The following HIP1 variants were observed in gnomAD, a reference collection of about 807,000 sequenced individuals.
HIP1 encodes the protein huntingtin-interacting protein 1.
HIP1 carries 65 observed loss-of-function variants against 147.6 expected under a neutral mutation model. That is an observed-to-expected ratio of 0.44 (90% CI 0.36 to 0.54). The LOEUF (loss-of-function observed/expected upper bound fraction) is 0.54. HIP1 is among the 20% of genes least tolerant of loss of function. The pLI is 0.00. For missense variants in HIP1, 1,061 were observed against 1,299.6 expected (o/e 0.82, Z 2.82); for synonymous variants, 479 against 504.0 (o/e 0.95, Z 0.67).
At chr7:75,558,489 C>T (rs188048389) in intron 14 of HIP1, among the ~76,000 whole-genome samples, 4 of 152,248 alleles carry the variant, frequency 2.6e-5, no homozygotes, top group Admixed American at 2.6e-4. Context: ...GGGCACACGC[C>T]ACCACACCCG....
chr7:75,541,799 A>G (rs1401155794), intron 29 of HIP1, 120 bp downstream of exon 29: 1 of 652,056 alleles, frequency 1.5e-6, no homozygotes, highest in East Asian at 2.6e-5. Context: ...ATTTACATTC[A>G]GTCTTGGGTT....
intron 1 of HIP1, among the ~76,000 whole-genome samples, chr7:75,665,541 T>A (rs1799530762): frequency 1.4e-5 from 2 of 144,916 alleles, no homozygotes; most frequent in Admixed American, 1.5e-4. Flanking sequence ...CATTTTTCCG[T>A]AGTCATTTTT....
In HIP1 at chr7:75,599,705, G is replaced by A. The variant is rs587774194; in HGVS notation, c.121-458C>T. On this transcript the variant is annotated intron_variant, in intron 1 of 30. Transcript: ENST00000336926. ...GAGCCTTCTCCGGCTGGCCAGCACC[G>A]GCGGTGGTCACTAAGTCTTTGTTTT... is the stretch of plus-strand genomic sequence containing the variant. 2.6e-4 allele frequency among the ~76,000 whole-genome samples: 39 copies of A among 152,198 alleles called. No individual in the cohort carries two copies. The South Asian group carries it at 2.9e-3, about 11-fold the overall frequency.
chr7:75,582,479 C>G lies in HIP1; in HGVS notation c.466-328G>C, dbSNP rs114491812. 9.0e-3 allele frequency among the ~76,000 whole-genome samples: 1,372 copies of G among 152,278 alleles called. 16 individuals carry two copies. Among genetic ancestry groups the G allele is most frequent in the African/African-American group, 0.031 (1,300 of 41,562 alleles). On this transcript the variant is annotated intron_variant, in intron 5 of 30. Transcript: ENST00000336926. Reference sequence around the variant, plus strand: ...GGGAAAAGGCCACAGAGATGGGTGGCCATTCCATCGTGGGGCATCTACATG... The same window carrying G: ...GGGAAAAGGCCACAGAGATGGGTGGGCATTCCATCGTGGGGCATCTACATG...
chr7:75,704,665 C>G (rs1800936762), intron 1 of HIP1, among the ~76,000 whole-genome samples: 1 of 152,212 alleles, frequency 6.6e-6, no homozygotes. Context: ...TCACTGCAAC[C>G]TCCACCTCCC....
chr7:75,671,036 C>T (rs150312045), intron 1 of HIP1, among the ~76,000 whole-genome samples: 4 of 152,154 alleles, frequency 2.6e-5, no homozygotes, highest in African/African-American at 7.2e-5. Context: ...TTGCACTTAG[C>T]ATAATGTCCT....
chr7:75,667,071 T>G (rs1799586719), intron 1 of HIP1, among the ~76,000 whole-genome samples: 1 of 152,090 alleles, frequency 6.6e-6, no homozygotes, highest in Non-Finnish European at 1.5e-5. Context: ...TTAAGAGTGG[T>G]TATGAGTGGT....
At chr7:75,597,145 C>T (rs1000914646) in intron 2 of HIP1, among the ~76,000 whole-genome samples, 4 of 152,186 alleles carry the variant, frequency 2.6e-5, no homozygotes, top group African/African-American at 4.8e-5. Context: ...TAGCTAGGCT[C>T]GCACAGGGCT....
intron 1 of HIP1, among the ~76,000 whole-genome samples, chr7:75,618,013 C>T (rs1204600785): frequency 5.3e-5 from 8 of 152,232 alleles, no homozygotes; most frequent in African/African-American, 1.7e-4. Context: ...CCAGAGCTCC[C>T]GGGGGAAGCC....
intron 1 of HIP1, among the ~76,000 whole-genome samples, chr7:75,629,233 C>T (rs781900208): frequency 6.6e-6 from 1 of 152,136 alleles, no homozygotes; most frequent in East Asian, 1.9e-4. Flanking sequence ...CAGTAGGCAG[C>T]GTAAACCCGT....
At chr7:75,592,293 G>T in intron 3 of HIP1, 79 bp downstream of exon 3, 1 of 1,514,702 alleles carries the variant, frequency 6.6e-7, no homozygotes, top group Non-Finnish European at 9.0e-7. Flanking sequence ...GGAGAGGACA[G>T]CAGCCTCTGT....
intron 1 of HIP1, among the ~76,000 whole-genome samples, chr7:75,600,727 A>C (rs1200639025): frequency 3.9e-5 from 6 of 152,128 alleles, no homozygotes; most frequent in Admixed American, 3.9e-4. Context: ...AATTCTGCAA[A>C]GGGGCTGAAA....
chr7:75,677,559 C>T lies in HIP1; in HGVS notation c.120+61242G>A, dbSNP rs868983352. Among the ~76,000 whole-genome samples the T allele has an allele frequency of 1.9e-4, 26 of 139,408 alleles. No individual in the cohort carries two copies. The Middle Eastern group carries it at 0.013, about 72-fold the overall frequency. The allele number at this position is 139,408 out of a possible 152,430, so 91.5% of individuals were successfully genotyped here. A position where few individuals can be genotyped will look rare whatever the true frequency, so the allele number is the denominator to read the frequency against. The stretch of plus-strand genomic sequence containing the variant: ...GGTGGAGTTTGCAGTGAGCCGAGAT[C>T]GCGCCACTGTGTTCCAGCCTGGGCA... On this transcript the variant is annotated intron_variant, in intron 1 of 30. Transcript: ENST00000336926.
At chr7:75,633,051 G>A (rs1798286824) in intron 1 of HIP1, among the ~76,000 whole-genome samples, 1 of 152,126 alleles carries the variant, frequency 6.6e-6, no homozygotes, top group African/African-American at 2.4e-5. Flanking sequence ...AATGGATGTT[G>A]GGCTTAACAC....
intron 1 of HIP1, among the ~76,000 whole-genome samples, chr7:75,628,667 C>T (rs1015515095): frequency 3.3e-5 from 5 of 152,078 alleles, no homozygotes; most frequent in Admixed American, 1.3e-4. Context: ...TTAGTAGAGA[C>T]GGGGTTTCAC....
At chr7:75,589,121 G>T (rs2696205) in intron 4 of HIP1, among the ~76,000 whole-genome samples, 40,919 of 149,360 alleles carry the variant, frequency 0.27, 6,163 homozygotes, top group African/African-American at 0.41. Flanking sequence ...TTGCCCTCCA[G>T]CCTGGGCAAC....
rs1795155491 is a variant in HIP1 at position 75,559,772 on chromosome 7, C to T, written c.1335G>A (p.Glu445=). The T allele has an allele frequency of 3.1e-6, 5 of 1,607,326 alleles. No homozygotes were observed. In the South Asian group the frequency reaches 3.3e-5, roughly 11 times the overall value. ...GGCTCCGCTGAGCCTTCTCGGTGTC[C>T]TCCCGCTGCCTCCTGAGCTCGTCCA... ...AELDELRRQR[E]DTEKAQRSLS... Residue 445 remains glutamate, a synonymous_variant, in exon 14 of 31, where the codon GAG becomes GAA. Transcript: ENST00000336926.
intron 1 of HIP1, among the ~76,000 whole-genome samples, chr7:75,602,723 CTT>C (rs1284599774): frequency 6.6e-6 from 1 of 151,726 alleles, no homozygotes; most frequent in Non-Finnish European, 1.5e-5. Flanking sequence ...CCTGACCAGA[CTT>C]GATTTTTAAA....
At chr7:75,692,562 T>C (rs1184734280) in intron 1 of HIP1, among the ~76,000 whole-genome samples, 2 of 151,048 alleles carry the variant, frequency 1.3e-5, no homozygotes, top group Admixed American at 6.7e-5. Flanking sequence ...CTGAGATTAC[T>C]GGCATGAACC....
Sources: gnomAD v4.1 joint callset for allele counts (sites outside exome capture counted in the v4.1 genomes callset) on GRCh38, gnomAD v4.1.1 for gene constraint, MANE v1.5 for transcripts, NCBI Gene and HGNC (gene_info 2026-07-23, HGNC 2026-07-21) for gene names.